The following CYP2C19 variants were observed in gnomAD, a reference collection of about 807,000 sequenced individuals.
CYP2C19 encodes the protein cytochrome P450 family 2 subfamily C member 19.
Under a neutral mutation model 40.9 loss-of-function variants are expected in CYP2C19, and 59 were observed. That is an observed-to-expected ratio of 1.44 (90% CI 1.17 to 1.79). CYP2C19 has a LOEUF of 1.79. Ranked by LOEUF, CYP2C19 falls within the 40% of genes most tolerant of loss-of-function variation. The pLI is 0.00. For synonymous variants in CYP2C19, 253 were observed against 208.7 expected (o/e 1.21, Z -1.83); for missense variants, 754 against 596.9 (o/e 1.26, Z -2.74).
At chr10:94,810,046 A>G (rs1848890759) in intron 5 of CYP2C19, among the ~76,000 whole-genome samples, 1 of 151,948 alleles carries the variant, frequency 6.6e-6, no homozygotes, top group Non-Finnish European at 1.5e-5. Flanking sequence ...ACGCCTGGCT[A>G]ATTTTTTGTA....
rs776811899 is a variant in CYP2C19, at chr10:94,842,844, C to A, written c.969C>A (p.Val323=). ...TTACTTGTGTCTTGTCAGCTAAAGT[C>A]CAGGAAGAGATTGAACGTGTCATTG... ...LLKHPEVTAK[V]QEEIERVIGR... Residue 323 remains valine, a synonymous_variant, in exon 7 of 9, where the codon GTC becomes GTA. Coordinates refer to ENST00000371321, the MANE Select transcript of CYP2C19 (RefSeq NM_000769.4). The A allele has an allele frequency of 6.2e-7, 1 of 1,614,008 alleles. No individual in the cohort carries two copies. Among genetic ancestry groups the A allele is most frequent in the Non-Finnish European group, 8.5e-7 (1 of 1,180,004 alleles).
intron 5 of CYP2C19, among the ~76,000 whole-genome samples, chr10:94,789,753 A>G (rs551610586): frequency 6.6e-6 from 1 of 152,168 alleles, no homozygotes; most frequent in South Asian, 2.1e-4. Flanking sequence ...TCGGCCTTGT[A>G]ATATAGTTTG....
rs953059954 is a variant in CYP2C19 at position 94,799,924 on chromosome 10, A to T, written c.819+17927A>T. Among the ~76,000 whole-genome samples, 5 of 152,104 alleles carry T rather than the reference A, an allele frequency of 3.3e-5. No homozygotes were observed. The South Asian group carries it at 1.0e-3, about 32-fold the overall frequency. On this transcript the variant is annotated intron_variant, in intron 5 of 8. Coordinates refer to ENST00000371321, the MANE Select transcript of CYP2C19 (RefSeq NM_000769.4). ...ATCTAACCTTTTTTTCAAGGTTTTT[A>T]GCTTTCTTATGATGCGTTAGAACAT...
intron 1 of CYP2C19, among the ~76,000 whole-genome samples, chr10:94,773,210 C>T (rs1029096135): frequency 2.0e-5 from 3 of 152,180 alleles, no homozygotes; most frequent in Admixed American, 6.5e-5. Flanking sequence ...AAAGTCCCTT[C>T]ATTGTCACCA....
At chr10:94,806,040 A>G (rs1300915212) in intron 5 of CYP2C19, among the ~76,000 whole-genome samples, 1 of 151,808 alleles carries the variant, frequency 6.6e-6, no homozygotes, top group African/African-American at 2.4e-5. Context: ...CCCACCTCAA[A>G]TGATAACTGT....
chr10:94,827,761 G>A (rs959269139), intron 6 of CYP2C19, among the ~76,000 whole-genome samples: 4 of 152,084 alleles, frequency 2.6e-5, no homozygotes, highest in Non-Finnish European at 5.9e-5. Context: ...ATGTTAGGGT[G>A]TCTATTTTGG....
At chr10:94,792,785 T>C (rs751780425) in intron 5 of CYP2C19, among the ~76,000 whole-genome samples, 13 of 152,128 alleles carry the variant, frequency 8.5e-5, no homozygotes, top group South Asian at 4.1e-4. Context: ...CTGCCCTAAA[T>C]ATTTATTCCT....
chr10:94,829,474 C>T (rs994120157), intron 6 of CYP2C19, among the ~76,000 whole-genome samples: 5 of 152,326 alleles, frequency 3.3e-5, no homozygotes, highest in African/African-American at 4.8e-5. Flanking sequence ...GCATTCTTCA[C>T]GTAGTTCTCG....
intron 6 of CYP2C19, among the ~76,000 whole-genome samples, chr10:94,830,152 G>A (rs1203765272): frequency 6.6e-6 from 1 of 152,242 alleles, no homozygotes; most frequent in African/African-American, 2.4e-5. Context: ...ACAGAGGCAG[G>A]CAGGCCTCCT....
chr10:94,777,760 A>G (rs1387319487), intron 3 of CYP2C19, among the ~76,000 whole-genome samples: 1 of 152,164 alleles, frequency 6.6e-6, no homozygotes, highest in African/African-American at 2.4e-5. Context: ...TTCATGACTA[A>G]AACACCAAAA....
In CYP2C19 at chr10:94,854,687, A is replaced by G. The variant is rs1340376631; in HGVS notation, c.*1773A>G. On this transcript the variant is annotated 3_prime_UTR_variant, in exon 9 of 9. Coordinates refer to ENST00000371321, the MANE Select transcript of CYP2C19 (RefSeq NM_000769.4). ...GCATTCACACATAATATATATATGT[A>G]TAACTTATGCACACATACATATAGG... 6.6e-6 allele frequency among the ~76,000 whole-genome samples: 1 copy of G among 152,168 alleles called. No homozygotes were observed. The highest frequency in any genetic ancestry group is 6.6e-5 in the Admixed American group (1 of 15,258).
At chr10:94,838,944 C>T (rs1025295448) in intron 6 of CYP2C19, among the ~76,000 whole-genome samples, 4 of 152,066 alleles carry the variant, frequency 2.6e-5, no homozygotes, top group African/African-American at 4.8e-5. Context: ...TCATTTCTTT[C>T]TTTGACCCTT....
rs764143071 is a variant in CYP2C19 at position 94,852,812 on chromosome 10, C to A, written c.1371C>A (p.Asn457Lys). ...TGACCTTCATTTTACAGAACTTTAA[C>A]CTGAAATCTCTGATTGACCCAAAGG... ...LFLTFILQNF[N>K]LKSLIDPKDL... The change falls in exon 9 of 9, where the codon AAC becomes AAA. Residue 457 changes from asparagine to lysine, a missense_variant. Asn to Lys is a moderately conservative substitution (Grantham distance 94, BLOSUM62 0). Transcript: ENST00000371321. 6 of 1,613,922 alleles carry A rather than the reference C, an allele frequency of 3.7e-6. No homozygotes were observed. In the Admixed American group the frequency reaches 6.7e-5, roughly 18 times the overall value.
intron 7 of CYP2C19, among the ~76,000 whole-genome samples, chr10:94,845,086 A>G (rs1849552429): frequency 6.6e-6 from 1 of 152,184 alleles, no homozygotes; most frequent in African/African-American, 2.4e-5. Context: ...TGCGTGGCCA[A>G]TTCTACCCTC....
intron 5 of CYP2C19, among the ~76,000 whole-genome samples, chr10:94,809,684 A>G (rs910162803): frequency 3.3e-5 from 5 of 152,026 alleles, no homozygotes; most frequent in African/African-American, 7.2e-5. Context: ...CCCATTCAGT[A>G]TAATTTTGGC....
chr10:94,795,382 T>A (rs1362533920), intron 5 of CYP2C19, among the ~76,000 whole-genome samples: 1 of 152,062 alleles, frequency 6.6e-6, no homozygotes, highest in East Asian at 1.9e-4. Flanking sequence ...ATGTGCCACA[T>A]TTTCTTAATC....
At chr10:94,818,365 T>G (rs182061892) in intron 5 of CYP2C19, among the ~76,000 whole-genome samples, 1,959 of 151,918 alleles carry the variant, frequency 0.013, 22 homozygotes, top group Non-Finnish European at 0.021. Context: ...ATTGACTTGA[T>G]GATGCGGGCT....
chr10:94,823,483 G>C (rs1473275690), intron 6 of CYP2C19, among the ~76,000 whole-genome samples: 2 of 152,130 alleles, frequency 1.3e-5, no homozygotes, highest in African/African-American at 4.8e-5. Context: ...TTATCCTACA[G>C]AAAGGGAACT....
chr10:94,764,300 A>C (rs1287545653), intron 1 of CYP2C19, among the ~76,000 whole-genome samples: 1 of 152,122 alleles, frequency 6.6e-6, no homozygotes, highest in Non-Finnish European at 1.5e-5. Flanking sequence ...TCCATTTTGC[A>C]GAGTGCTGAT....
Sources: allele counts gnomAD v4.1 joint callset (sites outside exome capture counted in the v4.1 genomes callset), GRCh38; gene constraint gnomAD v4.1.1; transcripts MANE v1.5; gene names NCBI Gene and HGNC (gene_info 2026-07-23, HGNC 2026-07-21).